WWTR1: variants seen among roughly 807,000 people sequenced by gnomAD.
WWTR1 encodes WW domain containing transcription regulator 1.
WWTR1 carries 13 observed loss-of-function variants against 40.1 expected under a neutral mutation model. The observed-to-expected ratio is 0.32, with a 90% CI of 0.21 to 0.52. WWTR1 has a LOEUF of 0.52. WWTR1 is among the 20% of genes least tolerant of loss of function. The pLI is 0.97. For synonymous variants in WWTR1, 230 were observed against 210.1 expected, an observed-to-expected ratio of 1.09 and a Z score of -0.82; for missense variants, 436 against 523.1, an observed-to-expected ratio of 0.83 and a Z score of 1.63.
chr3:149,523,666 C>A (rs1735164473), intron 6 of WWTR1, among the ~76,000 whole-genome samples: 1 of 152,228 alleles, frequency 6.6e-6, no homozygotes, highest in African/African-American at 2.4e-5. Flanking sequence ...CCAGCTGTTG[C>A]TGCCATGTAT....
chr3:149,624,938 C>G (rs1428237818), intron 2 of WWTR1, among the ~76,000 whole-genome samples: 2 of 151,378 alleles, frequency 1.3e-5, no homozygotes, highest in East Asian at 3.9e-4. Context: ...ACCATGTTGG[C>G]CAGGCTGGTC....
chr3:149,645,088 T>C (rs531744871), intron 2 of WWTR1, among the ~76,000 whole-genome samples: 1 of 150,930 alleles, frequency 6.6e-6, no homozygotes, highest in Non-Finnish European at 1.5e-5. Flanking sequence ...TTATTTATTT[T>C]TTTTTTTTTG....
chr3:149,596,430 A>G (rs1384303193), intron 2 of WWTR1, among the ~76,000 whole-genome samples: 1 of 152,186 alleles, frequency 6.6e-6, no homozygotes, highest in African/African-American at 2.4e-5. Flanking sequence ...CAGCTTTCCC[A>G]GAGAAATCCC....
intron 2 of WWTR1, among the ~76,000 whole-genome samples, chr3:149,633,486 C>G (rs1711649940): frequency 6.6e-6 from 1 of 152,108 alleles, no homozygotes; most frequent in Non-Finnish European, 1.5e-5. Context: ...GGTGAGGAAA[C>G]CAAGTAAAAA....
At chr3:149,590,690 T>G (rs1456488171) in intron 2 of WWTR1, among the ~76,000 whole-genome samples, 1 of 152,162 alleles carries the variant, frequency 6.6e-6, no homozygotes, top group Non-Finnish European at 1.5e-5. Context: ...TAAACCTACT[T>G]AATAAGTTCT....
intron 1 of WWTR1, among the ~76,000 whole-genome samples, chr3:149,680,208 T>C (rs1379347072): frequency 6.6e-6 from 1 of 152,192 alleles, no homozygotes; most frequent in African/African-American, 2.4e-5. Flanking sequence ...TTACCTTACA[T>C]GTAGAGCTGT....
chr3:149,661,067 C>T (rs2108173413), upstream of WWTR1: 1 of 152,306 alleles, frequency 6.6e-6, no homozygotes, highest in South Asian at 2.1e-4. Flanking sequence ...CCATCCCATC[C>T]CCTAGGAAGG....
At chr3:149,548,821 G>C (rs899883922) in intron 3 of WWTR1, among the ~76,000 whole-genome samples, 4 of 152,148 alleles carry the variant, frequency 2.6e-5, no homozygotes, top group Non-Finnish European at 5.9e-5. Flanking sequence ...GGCACTTTGA[G>C]GTGAATTTTT....
intron 2 of WWTR1, among the ~76,000 whole-genome samples, chr3:149,574,984 C>T (rs916729460): frequency 2.0e-5 from 3 of 151,900 alleles, no homozygotes; most frequent in Non-Finnish European, 4.4e-5. Flanking sequence ...ACCCCAGCTA[C>T]TCGGGAGGCT....
chr3:149,599,318 A>G (rs1042092668), intron 2 of WWTR1, among the ~76,000 whole-genome samples: 3 of 152,234 alleles, frequency 2.0e-5, no homozygotes, highest in Admixed American at 2.0e-4. Flanking sequence ...AAAACACAGA[A>G]CAAATAACCA....
intron 1 of WWTR1, among the ~76,000 whole-genome samples, chr3:149,674,073 G>T (rs1714181812): frequency 3.0e-5 from 2 of 67,006 alleles, no homozygotes; most frequent in Admixed American, 1.7e-4. Context: ...AAAAAAATTA[G>T]CTGGGCATGG....
rs868332001 is a variant in WWTR1, at chr3:149,533,138, C to T, written c.772-5169G>A. On this transcript the variant is annotated intron_variant, in intron 4 of 6. Transcript: ENST00000360632. ...CTTCCAGGGTCCCCTCTGTGTCCAC[C>T]CTGCCCTCCAAACAAACCTTCAGTT... Among the ~76,000 whole-genome samples, 6 of 152,168 alleles carry T rather than the reference C, an allele frequency of 3.9e-5. No homozygotes were observed. In the South Asian group the frequency reaches 1.0e-3, roughly 26 times the overall value.
chr3:149,648,443 C>CAA (rs937540119), intron 2 of WWTR1, among the ~76,000 whole-genome samples: 6 of 145,830 alleles, frequency 4.1e-5, no homozygotes, highest in African/African-American at 1.5e-4. Flanking sequence ...CTAAACAAAA[C>CAA]AAAAAAAAAA....
chr3:149,533,139 C>T (rs556186361), intron 4 of WWTR1, among the ~76,000 whole-genome samples: 4 of 152,320 alleles, frequency 2.6e-5, no homozygotes, highest in African/African-American at 9.6e-5. Context: ...TGTGTCCACC[C>T]TGCCCTCCAA....
intron 3 of WWTR1, among the ~76,000 whole-genome samples, chr3:149,556,440 A>G (rs1814390): frequency 0.63 from 96,168 of 152,018 alleles, 31,910 homozygotes; most frequent in East Asian, 0.96. Flanking sequence ...TTAGCTGGGT[A>G]TGGTGGCACG....
At chr3:149,562,892 A>G (rs1162858374) in intron 3 of WWTR1, among the ~76,000 whole-genome samples, 1 of 152,008 alleles carries the variant, frequency 6.6e-6, no homozygotes, top group Non-Finnish European at 1.5e-5. Flanking sequence ...AGAGGTGATG[A>G]TCACACACAG....
At chr3:149,610,435 C>T (rs140435359) in intron 2 of WWTR1, among the ~76,000 whole-genome samples, 1,684 of 152,258 alleles carry the variant, frequency 0.011, 13 homozygotes, top group Non-Finnish European at 0.014. Context: ...CATCATGAAC[C>T]CAGCTCTTAT....
intron 5 of WWTR1, among the ~76,000 whole-genome samples, chr3:149,717,042 C>A (rs1715620467): frequency 1.3e-5 from 2 of 152,060 alleles, no homozygotes; most frequent in South Asian, 4.1e-4. Context: ...GTGGCACATG[C>A]CTGTAGTCCC....
chr3:149,600,824 G>A (rs1333850259), intron 2 of WWTR1, among the ~76,000 whole-genome samples: 2 of 152,118 alleles, frequency 1.3e-5, no homozygotes, highest in African/African-American at 4.8e-5. Context: ...GCTCACTCTT[G>A]GAACCCAGCC....
Sources: allele counts gnomAD v4.1 joint callset (sites outside exome capture counted in the v4.1 genomes callset), GRCh38; gene constraint gnomAD v4.1.1; transcripts MANE v1.5; gene names NCBI Gene and HGNC (gene_info 2026-07-23, HGNC 2026-07-21).